The following KHDRBS2 variants were observed in gnomAD, a reference collection of about 807,000 sequenced individuals.
KHDRBS2 encodes the protein KH RNA binding domain containing, signal transduction associated 2.
In KHDRBS2, 26 loss-of-function variants were observed where a neutral mutation model predicts 44.3. The observed-to-expected ratio is 0.59, with a 90% CI of 0.43 to 0.81. The LOEUF is 0.81. KHDRBS2 is among the 40% of genes least tolerant of loss of function. The pLI, the probability that KHDRBS2 is intolerant of heterozygous loss-of-function variation, is 0.00. For synonymous variants in KHDRBS2, 194 were observed against 151.1 expected, an observed-to-expected ratio of 1.28 and a Z score of -2.08; for missense variants, 476 against 433.1, an observed-to-expected ratio of 1.10 and a Z score of -0.88.
At chr6:62,003,128 C>G (rs1432562342) in intron 3 of KHDRBS2, among the ~76,000 whole-genome samples, 1 of 151,676 alleles carries the variant, frequency 6.6e-6, no homozygotes, top group Non-Finnish European at 1.5e-5. Context: ...GACAATATTC[C>G]TTATCTTTCT....
In KHDRBS2 at chr6:61,732,538, G is replaced by C. The variant is rs576560400; in HGVS notation, c.893+144C>G. On this transcript the variant is annotated intron_variant, in intron 7 of 8. Transcript: ENST00000281156. Reference sequence around the variant, plus strand: ...ATTATAGTTTAACTCTCACAGTCTGGTAAGCAACTTGATAATTCAGAAAGA... The same window carrying C: ...ATTATAGTTTAACTCTCACAGTCTGCTAAGCAACTTGATAATTCAGAAAGA... 1.4e-5 allele frequency: 9 copies of C among 622,974 alleles called. No homozygotes were observed. The African/African-American group carries it at 1.7e-4, about 11-fold the overall frequency. 38.6% of individuals were successfully genotyped at this position (622,974 alleles called of 1,614,324 possible).
chr6:62,112,133 TACCTAGGAAGCACCTATA>T (rs1014000275), intron 2 of KHDRBS2, among the ~76,000 whole-genome samples: 28 of 152,090 alleles, frequency 1.8e-4, no homozygotes, highest in African/African-American at 6.8e-4. Context: ...AAATAAATAT[TACCTAGGAAGCACCTATA>T]ATTCATCTTA....
At chr6:62,199,687 C>G (rs2150137138) in intron 1 of KHDRBS2, among the ~76,000 whole-genome samples, 2 of 152,224 alleles carry the variant, frequency 1.3e-5, no homozygotes, top group Middle Eastern at 6.8e-3. Context: ...TCAATGCCAT[C>G]CCCATCAAGC....
intron 4 of KHDRBS2, among the ~76,000 whole-genome samples, chr6:61,974,308 A>C (rs1485371545): frequency 6.6e-6 from 1 of 152,150 alleles, no homozygotes; most frequent in African/African-American, 2.4e-5. Flanking sequence ...CAACTCTCAC[A>C]ACCATATGTG....
intron 2 of KHDRBS2, among the ~76,000 whole-genome samples, chr6:62,113,843 A>G (rs187342982): frequency 9.9e-5 from 15 of 152,250 alleles, no homozygotes; most frequent in Admixed American, 8.5e-4. Context: ...GGAGCTGACA[A>G]GATGGCAACA....
At chr6:61,836,174 G>C (rs369850615) in intron 6 of KHDRBS2, among the ~76,000 whole-genome samples, 3 of 152,032 alleles carry the variant, frequency 2.0e-5, no homozygotes, top group East Asian at 3.9e-4. Flanking sequence ...CTGTCTTGGA[G>C]ATTTATGCAT....
At chr6:61,900,290 G>A (rs958530070) in intron 5 of KHDRBS2, among the ~76,000 whole-genome samples, 3 of 152,004 alleles carry the variant, frequency 2.0e-5, no homozygotes, top group Non-Finnish European at 4.4e-5. Flanking sequence ...GTGGTTGAAA[G>A]TATTTGAGGT....
chr6:61,770,053 G>A (rs1462102072), intron 6 of KHDRBS2, among the ~76,000 whole-genome samples: 12 of 152,156 alleles, frequency 7.9e-5, no homozygotes, highest in African/African-American at 1.7e-4. Context: ...TGCAGCCACC[G>A]CTGCTGATAC....
intron 4 of KHDRBS2, among the ~76,000 whole-genome samples, chr6:61,925,517 G>A (rs564484141): frequency 6.6e-6 from 1 of 151,970 alleles, no homozygotes; most frequent in South Asian, 2.1e-4. Context: ...GGAGTTCAAG[G>A]CCAGCCTCGG....
downstream of KHDRBS2, among the ~76,000 whole-genome samples, chr6:61,677,773 C>T (rs1416561743): frequency 6.6e-6 from 1 of 151,864 alleles, no homozygotes; most frequent in Non-Finnish European, 1.5e-5. Flanking sequence ...TCAGGGCCCA[C>T]TGGGCTTCTG....
At chr6:61,673,548 C>G in the KHDRBS2 span, among the ~76,000 whole-genome samples, 1 of 145,032 alleles carries the variant, frequency 6.9e-6, no homozygotes, top group African/African-American at 2.5e-5. Context: ...CCAAAATCTC[C>G]TTAAGCTGAT....
chr6:62,205,058 G>A (rs1053531252), intron 1 of KHDRBS2, among the ~76,000 whole-genome samples: 3 of 152,010 alleles, frequency 2.0e-5, no homozygotes, highest in African/African-American at 7.2e-5. Context: ...TCAGCTTACT[G>A]CCAATTTTAA....
At chr6:61,559,374 C>A in the KHDRBS2 span, among the ~76,000 whole-genome samples, 2 of 151,214 alleles carry the variant, frequency 1.3e-5, no homozygotes, top group Admixed American at 6.6e-5. Flanking sequence ...TCTATTCAGC[C>A]AGTCTATGTC....
At chr6:62,118,611 T>C (rs1272859794) in intron 2 of KHDRBS2, among the ~76,000 whole-genome samples, 5 of 152,150 alleles carry the variant, frequency 3.3e-5, no homozygotes, top group Non-Finnish European at 7.4e-5. Flanking sequence ...TTTGAGTCAG[T>C]GGACTAGGAG....
At chr6:61,926,009 T>A (rs1395813243) in intron 4 of KHDRBS2, among the ~76,000 whole-genome samples, 1 of 152,156 alleles carries the variant, frequency 6.6e-6, no homozygotes, top group African/African-American at 2.4e-5. Context: ...GACATTGAGA[T>A]AAAATGTATG....
At chr6:61,811,382 T>C (rs1265550452) in intron 6 of KHDRBS2, among the ~76,000 whole-genome samples, 1 of 152,130 alleles carries the variant, frequency 6.6e-6, no homozygotes, top group African/African-American at 2.4e-5. Flanking sequence ...TCCATGTCTT[T>C]GCTATTGTGA....
At chr6:61,999,697 G>A (rs1777860851) in intron 3 of KHDRBS2, among the ~76,000 whole-genome samples, 1 of 151,872 alleles carries the variant, frequency 6.6e-6, no homozygotes, top group Non-Finnish European at 1.5e-5. Context: ...GGTGAGTTTT[G>A]GTAATAATAG....
intron 3 of KHDRBS2, among the ~76,000 whole-genome samples, chr6:61,980,721 C>T (rs1261422773): frequency 6.6e-6 from 1 of 152,016 alleles, no homozygotes; most frequent in Non-Finnish European, 1.5e-5. Flanking sequence ...TACACCTCAG[C>T]TAAACTTCTT....
chr6:62,263,637 T>G (rs1838726996), intron 1 of KHDRBS2, among the ~76,000 whole-genome samples: 1 of 151,738 alleles, frequency 6.6e-6, no homozygotes, highest in South Asian at 2.1e-4. Flanking sequence ...GAGCATCTCT[T>G]CACAAAGGTA....
Sources: allele counts gnomAD v4.1 joint callset (sites outside exome capture counted in the v4.1 genomes callset), GRCh38; gene constraint gnomAD v4.1.1; transcripts MANE v1.5; gene names NCBI Gene and HGNC (gene_info 2026-07-23, HGNC 2026-07-21).